BNC2: variants seen among roughly 807,000 people sequenced by gnomAD.
The protein encoded by BNC2 is zinc finger protein basonuclin-2.
Under a neutral mutation model 76.3 loss-of-function variants are expected in BNC2, and 20 were observed. The ratio of observed to expected loss-of-function variants is 0.26; its 90% CI spans 0.18 to 0.38. BNC2 has a LOEUF of 0.38. BNC2 is among the 10% of genes least tolerant of loss of function. The probability of loss-of-function intolerance (pLI) is 1.00; values close to 1 mark genes in which losing one functional copy is unlikely to be tolerated. For missense variants in BNC2, 1,382 were observed against 1,399.8 expected (o/e 0.99, Z 0.20); for synonymous variants, 582 against 514.8 (o/e 1.13, Z -1.77).
At chr9:16,682,065 G>C (rs985077627) in intron 3 of BNC2, among the ~76,000 whole-genome samples, 2 of 151,800 alleles carry the variant, frequency 1.3e-5, no homozygotes, top group African/African-American at 4.8e-5. Context: ...TTATTTGGGG[G>C]GATGTTGTGG....
chr9:16,625,041 A>G (rs1390210247), intron 3 of BNC2, among the ~76,000 whole-genome samples: 1 of 152,226 alleles, frequency 6.6e-6, no homozygotes, highest in Non-Finnish European at 1.5e-5. Context: ...CAGCTTTTTA[A>G]CATTCAATAA....
At chr9:16,628,271 G>A (rs748248647) in intron 3 of BNC2, among the ~76,000 whole-genome samples, 12 of 152,130 alleles carry the variant, frequency 7.9e-5, no homozygotes, top group Non-Finnish European at 1.8e-4. Context: ...GCCTTCTCAG[G>A]GCGGCTTTGT....
In BNC2 at chr9:16,825,146, G is replaced by A. The variant is rs966591036; in HGVS notation, c.3+45500C>T. Among the ~76,000 whole-genome samples, 5 of 151,992 alleles carry A rather than the reference G, an allele frequency of 3.3e-5. No homozygotes were observed. In the East Asian group the frequency reaches 9.7e-4, roughly 29 times the overall value. On this transcript the variant is annotated intron_variant, in intron 1 of 6. Transcript: ENST00000380672. ...TTCTCGTTAATTTACTCAGCCGAAT[G>A]AGGAGGTATGTCATTTATGCACTCA... is the stretch of plus-strand genomic sequence containing the variant.
At chr9:16,556,357 G>T (rs549317458) in intron 4 of BNC2, among the ~76,000 whole-genome samples, 4 of 152,178 alleles carry the variant, frequency 2.6e-5, no homozygotes, top group South Asian at 2.1e-4. Flanking sequence ...GGGCCCTGAG[G>T]ACGATGAAAA....
At chr9:16,856,192 A>G (rs886222475) in intron 1 of BNC2, among the ~76,000 whole-genome samples, 1 of 151,812 alleles carries the variant, frequency 6.6e-6, no homozygotes, top group Non-Finnish European at 1.5e-5. Flanking sequence ...TCTACCTTCT[A>G]TTCTGCCTTC....
chr9:16,811,552 CAAAAAAAAAAAAA>C (rs1179927173), intron 1 of BNC2, among the ~76,000 whole-genome samples: 1 of 58,040 alleles, frequency 1.7e-5, no homozygotes, highest in African/African-American at 8.2e-5. Context: ...AACTCCATCT[CAAAAAAAAAAAAA>C]AAAAAAAAAA....
intron 3 of BNC2, among the ~76,000 whole-genome samples, chr9:16,659,159 T>G (rs1047421121): frequency 4.0e-5 from 6 of 150,576 alleles, no homozygotes; most frequent in Admixed American, 2.6e-4. Flanking sequence ...GGGGGGGGCA[T>G]GTGAATGCAC....
intron 1 of BNC2, chr9:16,832,221 A>G (rs1818592131): frequency 2.5e-6 from 3 of 1,178,062 alleles, no homozygotes; most frequent in Admixed American, 2.6e-5. Context: ...AAAAATATGA[A>G]ACTATTACAT....
chr9:16,648,880 A>T (rs941635667), intron 3 of BNC2, among the ~76,000 whole-genome samples: 1 of 152,232 alleles, frequency 6.6e-6, no homozygotes, highest in Non-Finnish European at 1.5e-5. Context: ...CATGCACATA[A>T]GGGCAGTGAA....
At chr9:16,731,372 A>C (rs1344363634) in intron 2 of BNC2, among the ~76,000 whole-genome samples, 1 of 152,210 alleles carries the variant, frequency 6.6e-6, no homozygotes, top group African/African-American at 2.4e-5. Context: ...TGGACCATGG[A>C]AATTATGAAG....
intron 3 of BNC2, among the ~76,000 whole-genome samples, chr9:16,713,892 T>C (rs1391803468): frequency 6.6e-6 from 1 of 152,130 alleles, no homozygotes; most frequent in Admixed American, 6.5e-5. Flanking sequence ...CTGGGCAATA[T>C]GGCAAAACCC....
At chr9:16,460,344 CG>C (rs1354088102) in intron 5 of BNC2, among the ~76,000 whole-genome samples, 1 of 151,632 alleles carries the variant, frequency 6.6e-6, no homozygotes, top group Non-Finnish European at 1.5e-5. Context: ...AAAATAAGGC[CG>C]GGCACAGTGG....
intron 3 of BNC2, among the ~76,000 whole-genome samples, chr9:16,645,271 T>G (rs1444890062): frequency 6.6e-6 from 1 of 152,204 alleles, no homozygotes; most frequent in Non-Finnish European, 1.5e-5. Context: ...TTAAAGAATC[T>G]TGTCTCAAAA....
rs949468808 is a variant in BNC2, at chr9:16,551,414, G to A, written c.669+1116C>T. Among the ~76,000 whole-genome samples the A allele has an allele frequency of 3.9e-5, 6 of 152,168 alleles. No individual in the cohort carries two copies. In the South Asian group the frequency reaches 1.2e-3, roughly 31 times the overall value. On this transcript the variant is annotated intron_variant, in intron 5 of 6. Coordinates refer to ENST00000380672, the MANE Select transcript of BNC2 (RefSeq NM_017637.6). Reference sequence around the variant, plus strand: ...CAGGTTAAAACGAGAGGTAGACTGAGGCTCCCCACTCCTCACATGCCAAGC... The same window carrying A: ...CAGGTTAAAACGAGAGGTAGACTGAAGCTCCCCACTCCTCACATGCCAAGC...
chr9:16,754,602 G>A (rs930810582), intron 1 of BNC2, among the ~76,000 whole-genome samples: 1 of 151,712 alleles, frequency 6.6e-6, no homozygotes, highest in African/African-American at 2.4e-5. Context: ...CTGTTGCTCA[G>A]GCTGTAGTGC....
At chr9:16,439,970 T>C (rs1267588061) in intron 5 of BNC2, among the ~76,000 whole-genome samples, 1 of 152,238 alleles carries the variant, frequency 6.6e-6, no homozygotes, top group African/African-American at 2.4e-5. Flanking sequence ...CAGATGATCC[T>C]GAAGTCCGGC....
At chr9:16,615,270 C>G (rs1820667053) in intron 3 of BNC2, among the ~76,000 whole-genome samples, 1 of 152,144 alleles carries the variant, frequency 6.6e-6, no homozygotes, top group South Asian at 2.1e-4. Flanking sequence ...TTGATATGTG[C>G]CAGGCATTAG....
intron 5 of BNC2, among the ~76,000 whole-genome samples, chr9:16,535,780 T>C (rs758329659): frequency 6.6e-6 from 1 of 152,180 alleles, no homozygotes; most frequent in Admixed American, 6.5e-5. Context: ...GGCTTTGTAA[T>C]GTGACTGGCT....
intron 5 of BNC2, among the ~76,000 whole-genome samples, chr9:16,459,282 T>C (rs1821522652): frequency 6.6e-6 from 1 of 152,194 alleles, no homozygotes; most frequent in Admixed American, 6.5e-5. Context: ...TGCTCACATG[T>C]AGCTAGAAAG....
Sources: allele counts gnomAD v4.1 joint callset (sites outside exome capture counted in the v4.1 genomes callset), GRCh38; gene constraint gnomAD v4.1.1; transcripts MANE v1.5; gene names NCBI Gene and HGNC (gene_info 2026-07-23, HGNC 2026-07-21).